Variants in SMAD6 observed in about 807,000 individuals in gnomAD.
SMAD6 encodes the protein MAD homolog 6.
In SMAD6, 103 loss-of-function variants were observed where a neutral mutation model predicts 39.4. That is an observed-to-expected ratio of 2.62 (90% CI 2.23 to 3.08). The LOEUF is 3.08. SMAD6 is among the 30% of genes most tolerant of loss of function. The pLI is 0.00. For synonymous variants in SMAD6, 445 were observed against 353.3 expected, an observed-to-expected ratio of 1.26 and a Z score of -2.91; for missense variants, 1,104 against 742.9, an observed-to-expected ratio of 1.49 and a Z score of -5.65.
chr15:66,750,113 GGGGCCTTCTTT>G (rs143529143), intron 3 of SMAD6, among the ~76,000 whole-genome samples: 2,087 of 152,206 alleles, frequency 0.014, 19 homozygotes, highest in Non-Finnish European at 0.021. Context: ...GGGGACGCAG[GGGGCCTTCTTT>G]GCAACCCTGC....
chr15:66,764,164 A>T (rs1029246739), intron 3 of SMAD6, among the ~76,000 whole-genome samples: 1 of 152,248 alleles, frequency 6.6e-6, no homozygotes, highest in Non-Finnish European at 1.5e-5. Flanking sequence ...TTCCCGTTAG[A>T]GGTCATGCAG....
In SMAD6 at chr15:66,716,478, C is replaced by T; in HGVS notation, c.932C>T (p.Thr311Ile). Residue 311 changes from threonine to isoleucine, a missense_variant, in exon 3 of 4, where the codon ACT (threonine) becomes ATT (isoleucine). Coordinates refer to ENST00000288840, the MANE Select transcript of SMAD6 (RefSeq NM_005585.5). Reference protein sequence around the residue: ...TETEATNSLITAPGEFSDASM... With the variant: ...TETEATNSLIIAPGEFSDASM... ...ACGGAGGCTACCAACTCCCTCATCA[C>T]TGCTCCGGGTGAATTCTCAGGTCAG... The T allele has an allele frequency of 6.2e-7, 1 of 1,613,080 alleles. No homozygotes were observed. Among genetic ancestry groups the T allele is most frequent in the South Asian group, 1.1e-5 (1 of 91,066 alleles).
chr15:66,704,108 G>GGTCCCCGT, intron 1 of SMAD6, 33 bp downstream of exon 1: 6 of 1,392,874 alleles, frequency 4.3e-6, no homozygotes, highest in Non-Finnish European at 5.6e-6. Flanking sequence ...GGGGGCCCCG[G>GGTCCCCGT]GTCCCCGTCC....
chr15:66,774,367 C>A (rs991722439), intron 3 of SMAD6, among the ~76,000 whole-genome samples: 2 of 152,198 alleles, frequency 1.3e-5, no homozygotes, highest in African/African-American at 4.8e-5. Flanking sequence ...CCTGCACCCC[C>A]ACAAAATTAC....
intron 3 of SMAD6, among the ~76,000 whole-genome samples, chr15:66,774,419 A>C (rs1894430711): frequency 6.6e-6 from 1 of 152,172 alleles, no homozygotes; most frequent in South Asian, 2.1e-4. Context: ...AGAGGCGTAG[A>C]GAAAAGAATG....
At chr15:66,715,475 A>G (rs4776316) in intron 2 of SMAD6, among the ~76,000 whole-genome samples, 38,806 of 152,000 alleles carry the variant, frequency 0.26, 5,040 homozygotes, top group Middle Eastern at 0.33. Context: ...GGCCAGGTGG[A>G]GCCACCCGAG....
At chr15:66,729,084 G>C (rs1893575167) in intron 3 of SMAD6, among the ~76,000 whole-genome samples, 3 of 152,194 alleles carry the variant, frequency 2.0e-5, no homozygotes, top group African/African-American at 7.2e-5. Context: ...CCTGAGAGGG[G>C]CAGTGCCTGT....
At chr15:66,760,949 A>G (rs1430273307) in intron 3 of SMAD6, among the ~76,000 whole-genome samples, 4 of 152,178 alleles carry the variant, frequency 2.6e-5, no homozygotes, top group African/African-American at 7.2e-5. Context: ...GAGTCAGAAA[A>G]GGGGCCTCCT....
At chr15:66,715,873 A>G (rs1031469195) in intron 2 of SMAD6, among the ~76,000 whole-genome samples, 2 of 152,064 alleles carry the variant, frequency 1.3e-5, no homozygotes, top group African/African-American at 4.8e-5. Flanking sequence ...GAGAAAAAAC[A>G]AAGTTAATCT....
intron 2 of SMAD6, among the ~76,000 whole-genome samples, chr15:66,716,183 A>G (rs770251310): frequency 6.6e-6 from 1 of 152,206 alleles, no homozygotes; most frequent in African/African-American, 2.4e-5. Flanking sequence ...CAGCGTTTTC[A>G]GGTACCAGCT....
rs1894012910 is a variant in SMAD6, at chr15:66,751,898, T to C, written c.953-29099T>C. Among the ~76,000 whole-genome samples, 3 of 152,222 alleles carry C rather than the reference T, an allele frequency of 2.0e-5. No homozygotes were observed. In the South Asian group the frequency reaches 6.2e-4, roughly 31 times the overall value. ...TGACTTCTCCGAGTCACACGGTGAC[T>C]TAGTGACAGCCAGAATTGGAGTCGG... is the stretch of plus-strand genomic sequence containing the variant. On this transcript the variant is annotated intron_variant, in intron 3 of 3. Transcript: ENST00000288840.
chr15:66,703,432 C>G lies in SMAD6; in HGVS notation c.174C>G (p.Ser58=). The change falls in exon 1 of 4, where the codon TCC becomes TCG. Residue 58 remains serine (S), a synonymous_variant. Transcript: ENST00000288840. ...GAGAGGGCGGAGGCTGCGGCCGCTC[C>G]GAAGTCCGCCCGGTAGCCCCGCGGC... ...RAREGGGCGR[S]EVRPVAPRRP... The G allele has an allele frequency of 1.5e-6, 2 of 1,291,430 alleles. No homozygotes were observed. The highest frequency in any genetic ancestry group is 2.7e-5 in the South Asian group (1 of 36,608). 80.0% of individuals were successfully genotyped at this position (1,291,430 alleles called of 1,614,324 possible).
At chr15:66,711,911 C>G (rs1446116560) in intron 2 of SMAD6, among the ~76,000 whole-genome samples, 187 bp downstream of exon 2, 1 of 152,194 alleles carries the variant, frequency 6.6e-6, no homozygotes. Flanking sequence ...AAAGCAGACC[C>G]AGCTTCTGCA....
intron 2 of SMAD6, among the ~76,000 whole-genome samples, chr15:66,715,679 G>T (rs1893314508): frequency 6.6e-6 from 1 of 151,512 alleles, no homozygotes; most frequent in Non-Finnish European, 1.5e-5. Context: ...TATAGAAAAT[G>T]TGCAAAAGAA....
chr15:66,759,977 A>C (rs1290152905), intron 3 of SMAD6, among the ~76,000 whole-genome samples: 1 of 152,132 alleles, frequency 6.6e-6, no homozygotes, highest in African/African-American at 2.4e-5. Flanking sequence ...GCCTCTGCAG[A>C]CTTTTCACTA....
At chr15:66,753,243 T>C (rs1359565077) in intron 3 of SMAD6, among the ~76,000 whole-genome samples, 1 of 152,064 alleles carries the variant, frequency 6.6e-6, no homozygotes, top group African/African-American at 2.4e-5. Context: ...ATCTGGGATG[T>C]GGGAAAGGTG....
At position 66,782,303 on chromosome 15, in the gene SMAD6, A is replaced by C; in HGVS notation, c.*768A>C. On this transcript the variant is annotated 3_prime_UTR_variant, in exon 4 of 4. Transcript: ENST00000288840. Reference sequence around the variant, plus strand: ...GAGGAGGTTCATGCCCTAGCCTAGAAAGGCCCAGGTCCATGCCCCCCATCT... The same window carrying C: ...GAGGAGGTTCATGCCCTAGCCTAGACAGGCCCAGGTCCATGCCCCCCATCT... 1 of 180,078 alleles carries C rather than the reference A, an allele frequency of 5.6e-6. No homozygotes were observed. The allele number at this position is 180,078 out of a possible 1,614,324, so 11.2% of individuals were successfully genotyped here. A position where few individuals can be genotyped will look rare whatever the true frequency, so the allele number is the denominator to read the frequency against.
intron 3 of SMAD6, among the ~76,000 whole-genome samples, chr15:66,757,153 A>C (rs1399662916): frequency 1.3e-5 from 2 of 152,094 alleles, no homozygotes; most frequent in Non-Finnish European, 2.9e-5. Context: ...TGCCATAAGG[A>C]TCTAATAGAG....
chr15:66,703,709 G>T lies in SMAD6; in HGVS notation c.451G>T (p.Glu151Ter). The stretch of plus-strand genomic sequence containing the variant: ...CGACCCCCTGGCCGGGGCGGCCCTG[G>T]AGCCGGCGGGCGGCGGGCGGAGTCG... ...ASDPLAGAAL[E>*]PAGGGRSREA... The change falls in exon 1 of 4, where the codon GAG becomes TAG. Residue 151 changes from glutamate (E) to a stop codon, truncating the protein, a stop_gained. Coordinates refer to ENST00000288840, the MANE Select transcript of SMAD6 (RefSeq NM_005585.5). LOFTEE classifies it high-confidence loss of function. 2 of 1,347,092 alleles carry T rather than the reference G, an allele frequency of 1.5e-6. No individual in the cohort carries two copies. The highest frequency in any genetic ancestry group is 9.7e-7 in the Non-Finnish European group (1 of 1,035,914). 83.4% of individuals were successfully genotyped at this position (1,347,092 alleles called of 1,614,324 possible). A position where few individuals can be genotyped will look rare whatever the true frequency, so the allele number is the denominator to read the frequency against.
Sources: gnomAD v4.1 joint callset for allele counts (sites outside exome capture counted in the v4.1 genomes callset) on GRCh38, gnomAD v4.1.1 for gene constraint, MANE v1.5 for transcripts, NCBI Gene and HGNC (gene_info 2026-07-23, HGNC 2026-07-21) for gene names.